Variants in PDE4B observed in about 807,000 individuals in gnomAD.
PDE4B encodes phosphodiesterase 4B, also known as 3',5'-cyclic-AMP phosphodiesterase 4B.
A neutral mutation model predicts 82.2 loss-of-function variants in PDE4B; 20 were observed. The observed-to-expected ratio is 0.24, with a 90% confidence interval of 0.17 to 0.35. The LOEUF (loss-of-function observed/expected upper bound fraction) is 0.35. Ranked by LOEUF, PDE4B falls within the 10% of genes least tolerant of loss-of-function variation. PDE4B has a pLI of 1.00. For synonymous variants in PDE4B, 320 were observed against 318.9 expected, an observed-to-expected ratio of 1.00 and a Z score of -0.04; for missense variants, 655 against 907.2, an observed-to-expected ratio of 0.72 and a Z score of 3.57.
At chr1:65,908,687 T>C (rs1411182403) in intron 1 of PDE4B, among the ~76,000 whole-genome samples, 2 of 152,054 alleles carry the variant, frequency 1.3e-5, no homozygotes, top group East Asian at 3.9e-4. Flanking sequence ...CAAGGGGACC[T>C]TACCAACAGG....
chr1:66,302,575 T>C (rs1339934900), intron 7 of PDE4B, among the ~76,000 whole-genome samples: 2 of 152,164 alleles, frequency 1.3e-5, no homozygotes, highest in Non-Finnish European at 2.9e-5. Context: ...CCACATGTAG[T>C]CTCATTGAAT....
intron 3 of PDE4B, among the ~76,000 whole-genome samples, chr1:66,218,590 A>G (rs1286446344): frequency 1.3e-5 from 2 of 152,018 alleles, no homozygotes; most frequent in Non-Finnish European, 2.9e-5. Flanking sequence ...ATCCTTTTCA[A>G]TATCAGTGCT....
intron 7 of PDE4B, among the ~76,000 whole-genome samples, chr1:66,325,568 G>A (rs572859867): frequency 1.9e-4 from 29 of 152,286 alleles, no homozygotes; most frequent in African/African-American, 6.5e-4. Flanking sequence ...GTGAAAAAAC[G>A]ATCCATCAGG....
In PDE4B at chr1:65,918,775, C is replaced by A; in HGVS notation, c.221C>A (p.Pro74Gln). Reference sequence around the variant, plus strand: ...CCTGAGGGAGATGGTATTTCCAGGCCGACCACACTGCCTTTGACAACGCTT... The same window carrying A: ...CCTGAGGGAGATGGTATTTCCAGGCAGACCACACTGCCTTTGACAACGCTT... The part of the protein sequence containing the change: ...RTPEGDGISR[P>Q]TTLPLTTLPS... Residue 74 changes from proline (P) to glutamine (Q), a missense_variant, in exon 3 of 17, where the codon CCG becomes CAG. By Grantham distance (76) the Pro-to-Gln change is moderately conservative. This residue lies in a region of PDE4B where 253 missense variants were observed against 275.6 expected (regional missense o/e 0.92). Transcript: ENST00000341517. 1.9e-6 allele frequency: 3 copies of A among 1,613,986 alleles called. No individual in the cohort carries two copies. Among genetic ancestry groups the A allele is most frequent in the Non-Finnish European group, 2.5e-6 (3 of 1,179,868 alleles).
At chr1:66,168,886 G>A (rs1646786506) in intron 3 of PDE4B, among the ~76,000 whole-genome samples, 1 of 152,102 alleles carries the variant, frequency 6.6e-6, no homozygotes, top group African/African-American at 2.4e-5. Flanking sequence ...CCTGTCCTGA[G>A]GTCAGCTTCT....
At chr1:66,166,818 T>TCTAGAATA (rs950668702) in intron 3 of PDE4B, among the ~76,000 whole-genome samples, 1 of 151,794 alleles carries the variant, frequency 6.6e-6, no homozygotes. Context: ...GGGACATGTT[T>TCTAGAATA]CTAGAATACA....
intron 7 of PDE4B, among the ~76,000 whole-genome samples, chr1:66,329,565 T>A (rs1266039163): frequency 1.3e-5 from 2 of 152,144 alleles, no homozygotes; most frequent in African/African-American, 4.8e-5. Context: ...CTATCTCTCT[T>A]TCTTTTCTTC....
At chr1:66,129,411 A>G (rs1645888231) in intron 3 of PDE4B, among the ~76,000 whole-genome samples, 1 of 151,952 alleles carries the variant, frequency 6.6e-6, no homozygotes, top group South Asian at 2.1e-4. Flanking sequence ...TAATCCCAGC[A>G]CTTTGGGAGG....
intron 3 of PDE4B, among the ~76,000 whole-genome samples, chr1:66,142,983 G>C (rs1166738667): frequency 1.3e-5 from 2 of 152,244 alleles, no homozygotes; most frequent in Non-Finnish European, 2.9e-5. Context: ...GCTCGCATCT[G>C]TGCTTCGCAT....
rs151237679 is a variant in PDE4B, at chr1:65,984,821, A to G, written c.281+65986A>G. On this transcript the variant is annotated intron_variant, in intron 3 of 16. Transcript: ENST00000341517. ...AAAAGTCTTTGCTAAAACTCTCAGC[A>G]TGCTTACATATCAAATGTCTCAAGC... 7.2e-5 allele frequency among the ~76,000 whole-genome samples: 11 copies of G among 152,318 alleles called. No homozygotes were observed. In the East Asian group the frequency reaches 2.1e-3, roughly 29 times the overall value.
chr1:66,358,087 G>T (rs1029520138), intron 9 of PDE4B, among the ~76,000 whole-genome samples: 5 of 152,144 alleles, frequency 3.3e-5, no homozygotes, highest in African/African-American at 1.2e-4. Context: ...ATCTGCATGG[G>T]ACCATAAAAC....
At chr1:66,102,023 A>T (rs1333681937) in intron 3 of PDE4B, among the ~76,000 whole-genome samples, 2 of 152,144 alleles carry the variant, frequency 1.3e-5, no homozygotes, top group Non-Finnish European at 2.9e-5. Flanking sequence ...GGTGTAAGGA[A>T]GGGATCCAGT....
At chr1:66,153,221 C>T (rs1646438095) in intron 3 of PDE4B, among the ~76,000 whole-genome samples, 1 of 152,158 alleles carries the variant, frequency 6.6e-6, no homozygotes, top group African/African-American at 2.4e-5. Context: ...TTTTCTCCAT[C>T]CCTACTCTAG....
intron 9 of PDE4B, among the ~76,000 whole-genome samples, chr1:66,358,049 C>T (rs1336471526): frequency 6.6e-6 from 1 of 152,142 alleles, no homozygotes; most frequent in African/African-American, 2.4e-5. Flanking sequence ...TCCTGGAAGA[C>T]CATAAAGCCT....
At chr1:66,277,135 G>C (rs1346025343) in intron 7 of PDE4B, among the ~76,000 whole-genome samples, 1 of 148,630 alleles carries the variant, frequency 6.7e-6, no homozygotes, top group Non-Finnish European at 1.5e-5. Context: ...GAGTAGCTGG[G>C]GTAGATCGAG....
intron 3 of PDE4B, among the ~76,000 whole-genome samples, chr1:65,998,351 T>A (rs999880028): frequency 6.6e-6 from 1 of 150,910 alleles, no homozygotes; most frequent in African/African-American, 2.4e-5. Flanking sequence ...GCCAGCAGAT[T>A]GGAGCCATTT....
intron 3 of PDE4B, among the ~76,000 whole-genome samples, chr1:66,198,198 G>C (rs1318744898): frequency 1.3e-5 from 2 of 152,092 alleles, no homozygotes; most frequent in East Asian, 3.8e-4. Flanking sequence ...CCCTTTCCTA[G>C]TGATTCCTGG....
chr1:66,001,666 A>T (rs948833932), intron 3 of PDE4B, among the ~76,000 whole-genome samples: 7 of 152,088 alleles, frequency 4.6e-5, no homozygotes, highest in South Asian at 2.1e-4. Context: ...TCTTGGGTAA[A>T]TATCTTAGAG....
rs192575718 is a variant in PDE4B at position 66,200,202 on chromosome 1, T to C, written c.282-47258T>C. The stretch of plus-strand genomic sequence containing the variant: ...AGGGTTCTGTTCTATTCCATTGGTC[T>C]ATATCTCTGTTTTGGTAGCAGTACC... On this transcript the variant is annotated intron_variant, in intron 3 of 16. Transcript: ENST00000341517. Among the ~76,000 whole-genome samples the C allele has an allele frequency of 3.3e-5, 5 of 152,326 alleles. No individual in the cohort carries two copies. In the East Asian group the frequency reaches 7.7e-4, roughly 23 times the overall value.
Sources: allele counts gnomAD v4.1 joint callset (sites outside exome capture counted in the v4.1 genomes callset), GRCh38; gene constraint gnomAD v4.1.1; regional missense constraint gnomAD v4.1.1; transcripts MANE v1.5; gene names NCBI Gene and HGNC (gene_info 2026-07-23, HGNC 2026-07-21).